SCAF8: variants seen among roughly 807,000 people sequenced by gnomAD.
The protein encoded by SCAF8 is SR-related CTD associated factor 8.
In SCAF8, 23 loss-of-function variants were observed where a neutral mutation model predicts 140.5. The ratio of observed to expected loss-of-function variants is 0.16; its 90% CI spans 0.12 to 0.23. SCAF8 has a LOEUF of 0.23. Ranked by LOEUF, SCAF8 falls within the 10% of genes least tolerant of loss-of-function variation. SCAF8 has a pLI of 1.00. For synonymous variants in SCAF8, 575 were observed against 528.9 expected (o/e 1.09, Z -1.20); for missense variants, 1,397 against 1,555.7 (o/e 0.90, Z 1.72).
intron 3 of SCAF8, among the ~76,000 whole-genome samples, chr6:154,785,133 C>T (rs1046754326): frequency 6.6e-5 from 10 of 152,168 alleles, no homozygotes; most frequent in African/African-American, 2.4e-4. Context: ...AGTTCTCCTA[C>T]TCAACATCAT....
chr6:154,808,651 C>T (rs764561827), intron 10 of SCAF8, 35 bp from the exon 11 acceptor site: 20 of 372,316 alleles, frequency 5.4e-5, no homozygotes, highest in Middle Eastern at 1.4e-3. Context: ...CTCAACCAGC[C>T]TTTCTGTTTG....
chr6:154,792,239 A>C (rs529887637), intron 4 of SCAF8, among the ~76,000 whole-genome samples: 47 of 152,318 alleles, frequency 3.1e-4, no homozygotes, highest in South Asian at 1.0e-3. Context: ...AAGTTTGTCC[A>C]TCTCTGGTTC....
intron 3 of SCAF8, among the ~76,000 whole-genome samples, chr6:154,784,441 T>A (rs1777192276): frequency 6.6e-6 from 1 of 152,148 alleles, no homozygotes; most frequent in African/African-American, 2.4e-5. Flanking sequence ...TTAGAGAAAC[T>A]TTTGCCTCTT....
At position 154,736,982 on chromosome 6, in the gene SCAF8, C is replaced by T. The variant is rs578144020; in HGVS notation, c.30+3052C>T. Among the ~76,000 whole-genome samples the T allele has an allele frequency of 2.9e-4, 44 of 151,898 alleles. No homozygotes were observed. In the South Asian group the frequency reaches 8.5e-3, roughly 29 times the overall value. ...TCAGAAAAATACTTTTTTTTTTAAA[C>T]ACAAAACAATACATAATACTGTTTT... On this transcript the variant is annotated intron_variant, in intron 1 of 19. Coordinates refer to ENST00000367178, the MANE Select transcript of SCAF8 (RefSeq NM_014892.5).
At chr6:154,743,018 G>A (rs1778610696) in intron 1 of SCAF8, among the ~76,000 whole-genome samples, 1 of 152,106 alleles carries the variant, frequency 6.6e-6, no homozygotes, top group African/African-American at 2.4e-5. Context: ...CCCTCTTGGA[G>A]CCTATGTTGT....
At chr6:154,742,417 T>C (rs1359010802) in intron 1 of SCAF8, among the ~76,000 whole-genome samples, 1 of 152,166 alleles carries the variant, frequency 6.6e-6, no homozygotes, top group Admixed American at 6.5e-5. Context: ...ATATATGCTA[T>C]AGGAATAAAG....
rs557300576 is a variant in SCAF8, at chr6:154,799,126, C to T, written c.607-2845C>T. Among the ~76,000 whole-genome samples the T allele has an allele frequency of 6.8e-4, 103 of 150,768 alleles. 6 individuals carry two copies. The South Asian group carries it at 0.018, about 26-fold the overall frequency. On this transcript the variant is annotated intron_variant, in intron 6 of 19. Coordinates refer to ENST00000367178, the MANE Select transcript of SCAF8 (RefSeq NM_014892.5). ...CCGAGTAGCTGAGATTACAGGCACC[C>T]GCCACCACGCCGAGCTAATTTTTGT...
At chr6:154,746,410 T>C (rs1172363615) in intron 1 of SCAF8, among the ~76,000 whole-genome samples, 1 of 152,086 alleles carries the variant, frequency 6.6e-6, no homozygotes, top group Admixed American at 6.5e-5. Flanking sequence ...AACTGTAAAT[T>C]ATATATATAC....
chr6:154,804,528 T>C (rs1325462754), intron 8 of SCAF8, among the ~76,000 whole-genome samples: 1 of 152,216 alleles, frequency 6.6e-6, no homozygotes, highest in African/African-American at 2.4e-5. Context: ...GTGTGTTCTT[T>C]TGTTGAGCTG....
intron 17 of SCAF8, chr6:154,825,174 C>A (rs965478374): frequency 6.6e-6 from 1 of 151,948 alleles, no homozygotes; most frequent in Non-Finnish European, 1.5e-5. Flanking sequence ...TATTTTTATT[C>A]TTTAAATATG....
chr6:154,756,752 C>T (rs1163477502), intron 1 of SCAF8, among the ~76,000 whole-genome samples: 1 of 152,196 alleles, frequency 6.6e-6, no homozygotes, highest in Non-Finnish European at 1.5e-5. Flanking sequence ...TTAAGCTGGG[C>T]GCGGTGGCTC....
chr6:154,761,690 T>G (rs918199693), intron 1 of SCAF8, among the ~76,000 whole-genome samples: 1 of 152,218 alleles, frequency 6.6e-6, no homozygotes, highest in Non-Finnish European at 1.5e-5. Context: ...TGCTGTGTCA[T>G]TAGAAGTTAA....
intron 3 of SCAF8, among the ~76,000 whole-genome samples, chr6:154,779,188 A>G (rs969306226): frequency 3.3e-5 from 5 of 151,938 alleles, no homozygotes; most frequent in African/African-American, 9.7e-5. Flanking sequence ...ATGCGCCACC[A>G]CGCCCAGCTA....
chr6:154,735,785 AT>A (rs1159165605), intron 1 of SCAF8, among the ~76,000 whole-genome samples: 6 of 151,692 alleles, frequency 4.0e-5, no homozygotes, highest in Non-Finnish European at 8.8e-5. Context: ...AAGTGCTGAG[AT>A]TATGGGCGTG....
chr6:154,805,578 TGG>T, intron 9 of SCAF8, 92 bp downstream of exon 9: 2 of 560,302 alleles, frequency 3.6e-6, no homozygotes, highest in Non-Finnish European at 6.3e-6. Context: ...TTTTTTTAAT[TGG>T]TCTTAATAGA....
In SCAF8 at chr6:154,810,051, C is replaced by T. The variant is rs1289793288; in HGVS notation, c.1263C>T (p.Gly421=). ...PRKRRSRSRS[G]SRKRKHRKRS... ...AACGAAGGTCTAGGTCACGGTCTGG[C>T]TCTAGAAAGCGTAAACACAGAAAGC... Residue 421 remains glycine, a synonymous_variant, in exon 12 of 20, where the codon GGC becomes GGT. Coordinates refer to ENST00000367178, the MANE Select transcript of SCAF8 (RefSeq NM_014892.5). The T allele has an allele frequency of 1.2e-6, 2 of 1,611,700 alleles. No homozygotes were observed. Among genetic ancestry groups the T allele is most frequent in the Admixed American group, 3.4e-5 (2 of 59,356 alleles).
In SCAF8 at chr6:154,797,785, A is replaced by C. The variant is rs185125150; in HGVS notation, c.606+2646A>C. ...AATAAAATCCAACTTTGTGGTATTT[A>C]GAGTTATTCTCAATGTAACCTGTTA... On this transcript the variant is annotated intron_variant, in intron 6 of 19. Coordinates refer to ENST00000367178, the MANE Select transcript of SCAF8 (RefSeq NM_014892.5). 5.3e-4 allele frequency among the ~76,000 whole-genome samples: 80 copies of C among 151,696 alleles called. 1 individual carries two copies. Among genetic ancestry groups the C allele is most frequent in the African/African-American group, 1.9e-3 (77 of 41,532 alleles).
chr6:154,787,627 T>C (rs1259687578), intron 3 of SCAF8, among the ~76,000 whole-genome samples: 2 of 152,208 alleles, frequency 1.3e-5, no homozygotes, highest in Non-Finnish European at 2.9e-5. Context: ...TTTATGTCAT[T>C]GAAGCCAGTT....
chr6:154,795,694 A>C (rs1338493642), intron 6 of SCAF8, among the ~76,000 whole-genome samples: 1 of 152,166 alleles, frequency 6.6e-6, no homozygotes, highest in Admixed American at 6.5e-5. Flanking sequence ...CTCAGGTGGG[A>C]AGCAATGTGG....
Sources: allele counts gnomAD v4.1 joint callset (sites outside exome capture counted in the v4.1 genomes callset), GRCh38; gene constraint gnomAD v4.1.1; transcripts MANE v1.5; gene names NCBI Gene and HGNC (gene_info 2026-07-23, HGNC 2026-07-21).